The following MICAL3 variants were observed in gnomAD, a reference collection of about 807,000 sequenced individuals.
The protein encoded by MICAL3 is [F-actin]-monooxygenase MICAL3.
Under a neutral mutation model 207.4 loss-of-function variants are expected in MICAL3, and 62 were observed. That is an observed-to-expected ratio of 0.30 (90% CI 0.24 to 0.37). The LOEUF (loss-of-function observed/expected upper bound fraction) is 0.37, where lower values mean the gene tolerates loss of function less well. Among genes scored for constraint, MICAL3 ranks in the 10% least tolerant of loss-of-function variants. The pLI, the probability that MICAL3 is intolerant of heterozygous loss-of-function variation, is 1.00. For synonymous variants in MICAL3, 1,077 were observed against 1,069.3 expected (o/e 1.01, Z -0.14); for missense variants, 2,368 against 2,635.6 (o/e 0.90, Z 2.22).
intron 13 of MICAL3, 53 bp downstream of exon 13, chr22:17,888,981 C>G: frequency 7.6e-7 from 1 of 1,313,228 alleles, no homozygotes. Context: ...GAAGAACAGC[C>G]GGGCCACAGC....
At chr22:17,848,845 C>T (rs960675651) in intron 19 of MICAL3, among the ~76,000 whole-genome samples, 12 of 152,380 alleles carry the variant, frequency 7.9e-5, no homozygotes, top group African/African-American at 2.6e-4. Context: ...GGCTTTTCTC[C>T]TCTGCTGCCC....
At chr22:17,898,053 C>T (rs1602173980) in intron 7 of MICAL3, among the ~76,000 whole-genome samples, 1 of 152,136 alleles carries the variant, frequency 6.6e-6, no homozygotes, top group Non-Finnish European at 1.5e-5. Flanking sequence ...TACTAAGTAG[C>T]CACATGGGTT....
At chr22:17,876,802 T>TGGAGGTTAGGGAGGTTATGGAGGTTAG (rs1928475225) in intron 16 of MICAL3, 3 of 54,500 alleles carry the variant, frequency 5.5e-5, no homozygotes, top group Non-Finnish European at 7.7e-5. Context: ...AGGGAAGTTA[T>TGGAGGTTAGGGAGGTTATGGAGGTTAG]GGAGGTTAGG....
intron 20 of MICAL3, among the ~76,000 whole-genome samples, chr22:17,833,721 G>A (rs770271230): frequency 3.1e-4 from 47 of 152,266 alleles, no homozygotes; most frequent in Non-Finnish European, 5.9e-4. Context: ...TGGGTAGCAC[G>A]GTATCCAGTG....
At chr22:17,830,315 T>C (rs1048059211) in intron 21 of MICAL3, among the ~76,000 whole-genome samples, 2 of 152,220 alleles carry the variant, frequency 1.3e-5, no homozygotes, top group African/African-American at 4.8e-5. Context: ...GGCTCCGGTC[T>C]GGGACTCTCG....
chr22:18,002,022 A>C (rs927993081), intron 1 of MICAL3, among the ~76,000 whole-genome samples: 4 of 151,894 alleles, frequency 2.6e-5, no homozygotes, highest in South Asian at 2.1e-4. Context: ...ACATGATGAA[A>C]CCCTGACTCT....
At chr22:17,839,842 A>G (rs1923819158) in intron 20 of MICAL3, 1 of 151,946 alleles carries the variant, frequency 6.6e-6, no homozygotes, top group African/African-American at 2.4e-5. Context: ...CGTTGGGATT[A>G]CAGGCGTGAG....
At chr22:17,856,695 C>T (rs1224730479) in intron 19 of MICAL3, among the ~76,000 whole-genome samples, 1 of 144,890 alleles carries the variant, frequency 6.9e-6, no homozygotes, top group African/African-American at 2.6e-5. Context: ...AATCTCGGCT[C>T]ACTGCAAGCT....
intron 21 of MICAL3, among the ~76,000 whole-genome samples, chr22:17,829,169 T>C (rs1200763290): frequency 1.3e-5 from 2 of 150,852 alleles, no homozygotes; most frequent in East Asian, 3.9e-4. Flanking sequence ...ATTTGCCTTT[T>C]TTTTTTTTTT....
chr22:17,799,938 CCTCA>C (rs983205317), intron 29 of MICAL3, among the ~76,000 whole-genome samples: 1 of 139,678 alleles, frequency 7.2e-6, no homozygotes, highest in African/African-American at 2.9e-5. Flanking sequence ...CGCTGGGAAA[CCTCA>C]CTCTAAAACA....
chr22:18,000,135 T>C (rs1569162777), intron 1 of MICAL3, among the ~76,000 whole-genome samples: 5 of 151,770 alleles, frequency 3.3e-5, no homozygotes, highest in Non-Finnish European at 2.9e-5. Context: ...ATCCCTGGAG[T>C]ACAACGACTG....
intron 1 of MICAL3, among the ~76,000 whole-genome samples, chr22:17,975,901 A>T (rs1350983831): frequency 2.6e-5 from 4 of 152,262 alleles, no homozygotes; most frequent in South Asian, 2.1e-4. Context: ...AAATACAAAA[A>T]TTAGCCGGGC....
intron 1 of MICAL3, among the ~76,000 whole-genome samples, chr22:17,987,291 A>G (rs1921131158): frequency 6.6e-6 from 1 of 152,236 alleles, no homozygotes; most frequent in Non-Finnish European, 1.5e-5. Flanking sequence ...CTGACAGGCA[A>G]TGGAGGAGAG....
In MICAL3 at chr22:17,818,217, T is replaced by G. The variant is rs1382282487; in HGVS notation, c.4444A>C (p.Asn1482His). 23 of 1,319,394 alleles carry G rather than the reference T, an allele frequency of 1.7e-5. No homozygotes were observed. The highest frequency in any genetic ancestry group is 2.3e-5 in the Non-Finnish European group (23 of 1,018,354). The allele number at this position is 1,319,394 out of a possible 1,614,324, so 81.7% of individuals were successfully genotyped here. A position where few individuals can be genotyped will look rare whatever the true frequency, so the allele number is the denominator to read the frequency against. The change falls in exon 26 of 32, where the codon AAT (asparagine) becomes CAT (histidine). Residue 1482 changes from asparagine (N) to histidine (H), a missense_variant. Asn to His is a moderately conservative substitution (Grantham distance 68). This residue lies in a region of MICAL3 where 1,770 missense variants were observed against 1,863.2 expected (regional missense o/e 0.95). Transcript: ENST00000441493. ...LRRKLREAEP[N>H]ASVVPPPLPA... is the part of the protein sequence containing the mutation. ...AAGGGCGGCGGGACCACCGAGGCAT[T>G]GGGCTCGGCCTCCCTGAGCTTCCTC...
chr22:18,018,764 CTATCT>C (rs1255965347), intron 1 of MICAL3, among the ~76,000 whole-genome samples: 7 of 126,170 alleles, frequency 5.5e-5, no homozygotes, highest in Non-Finnish European at 1.0e-4. Flanking sequence ...ATCTATCTAT[CTATCT>C]ACACACACAC....
chr22:17,939,469 T>C (rs1933709043), intron 1 of MICAL3, among the ~76,000 whole-genome samples: 1 of 152,162 alleles, frequency 6.6e-6, no homozygotes, highest in Non-Finnish European at 1.5e-5. Context: ...CAGGGGCAAG[T>C]AGCAGCCACG....
chr22:17,888,444 CA>C (rs66675712), intron 13 of MICAL3, among the ~76,000 whole-genome samples: 69,388 of 151,888 alleles, frequency 0.46, 16,968 homozygotes, highest in African/African-American at 0.64. Flanking sequence ...AGAAAGAAGC[CA>C]AGAGAATGCA....
chr22:17,980,787 C>T, intron 1 of MICAL3: 2 of 477,304 alleles, frequency 4.2e-6, no homozygotes, highest in South Asian at 2.9e-5. Flanking sequence ...GGCAGCAAAC[C>T]AGCTGCCCGT....
At chr22:17,885,469 A>G (rs1929786448) in intron 16 of MICAL3, among the ~76,000 whole-genome samples, 1 of 152,218 alleles carries the variant, frequency 6.6e-6, no homozygotes, top group Non-Finnish European at 1.5e-5. Context: ...TGAAAAAAAC[A>G]CCAGAAAGAA....
Sources: gnomAD v4.1 joint callset for allele counts (sites outside exome capture counted in the v4.1 genomes callset) on GRCh38, gnomAD v4.1.1 for gene constraint, gnomAD v4.1.1 regional missense constraint, MANE v1.5 for transcripts, NCBI Gene and HGNC (gene_info 2026-07-23, HGNC 2026-07-21) for gene names.